GINS1: variants seen among roughly 807,000 people sequenced by gnomAD.
The protein encoded by GINS1 is GINS complex subunit 1.
GINS1 carries 26 observed loss-of-function variants against 34.9 expected under a neutral mutation model. That is an observed-to-expected ratio of 0.74 (90% CI 0.55 to 1.03). The LOEUF is 1.03. GINS1 is among the 50% of genes least tolerant of loss of function. The pLI is 0.00. For synonymous variants in GINS1, 97 were observed against 84.4 expected (o/e 1.15, Z -0.82); for missense variants, 235 against 237.9 (o/e 0.99, Z 0.08).
chr20:25,408,754 C>T (rs577618021), intron 1 of GINS1: 1 of 176,430 alleles, frequency 5.7e-6, no homozygotes, highest in Non-Finnish European at 1.1e-5. Flanking sequence ...GCTATATATG[C>T]ATAGGATTGG....
chr20:25,436,030 G>T (rs1325251250), intron 5 of GINS1, among the ~76,000 whole-genome samples: 2 of 149,602 alleles, frequency 1.3e-5, no homozygotes, highest in African/African-American at 4.9e-5. Context: ...CACCATGTTA[G>T]CCAGGATGGT....
At chr20:25,445,034 GTGC>G in intron 6 of GINS1, among the ~76,000 whole-genome samples, 1 of 152,258 alleles carries the variant, frequency 6.6e-6, no homozygotes, top group East Asian at 1.9e-4. Flanking sequence ...GGATTTCTCT[GTGC>G]ATAAATTTTA....
chr20:25,424,639 C>T (rs994693590), intron 4 of GINS1, among the ~76,000 whole-genome samples: 4 of 152,172 alleles, frequency 2.6e-5, no homozygotes, highest in Non-Finnish European at 5.9e-5. Context: ...TTTCTTCCCT[C>T]CTCCCAGCTC....
intron 4 of GINS1, among the ~76,000 whole-genome samples, chr20:25,421,521 TAAC>T (rs1358037808): frequency 3.3e-5 from 5 of 152,218 alleles, no homozygotes; most frequent in Non-Finnish European, 7.3e-5. Context: ...TTTAAAATAA[TAAC>T]ATCTTTTGTT....
chr20:25,429,598 C>G (rs1055947062), intron 5 of GINS1, among the ~76,000 whole-genome samples: 1 of 151,952 alleles, frequency 6.6e-6, no homozygotes, highest in African/African-American at 2.4e-5. Context: ...GAATTATTTT[C>G]ATAATTTTTA....
intron 2 of GINS1, among the ~76,000 whole-genome samples, chr20:25,415,209 A>T (rs2090312749): frequency 1.3e-5 from 2 of 152,222 alleles, no homozygotes; most frequent in South Asian, 4.1e-4. Flanking sequence ...ATAAGGAGAG[A>T]TACAGAAAAA....
chr20:25,435,783 A>AAAAC (rs2090451456), intron 5 of GINS1, among the ~76,000 whole-genome samples: 1 of 73,880 alleles, frequency 1.4e-5, no homozygotes, highest in Non-Finnish European at 2.8e-5. Context: ...AAAAAAAAAA[A>AAAAC]AAAAACCAAC....
intron 5 of GINS1, among the ~76,000 whole-genome samples, chr20:25,431,173 T>G (rs1044095465): frequency 6.6e-6 from 1 of 152,212 alleles, no homozygotes; most frequent in Admixed American, 6.5e-5. Flanking sequence ...CCATTTCATC[T>G]AGGTTTTCCA....
rs866070882 is a variant in GINS1, at chr20:25,442,334, A to G, written c.522+558A>G. Among the ~76,000 whole-genome samples, 1,239 of 135,476 alleles carry G rather than the reference A, an allele frequency of 9.1e-3. 10 individuals are homozygous for G. Among genetic ancestry groups the G allele is most frequent in the African/African-American group, 0.024 (917 of 38,848 alleles). The allele number at this position is 135,476 out of a possible 152,430, so 88.9% of individuals were successfully genotyped here. On this transcript the variant is annotated intron_variant, in intron 6 of 6. Coordinates refer to ENST00000262460, the MANE Select transcript of GINS1 (RefSeq NM_021067.5). ...ATAAGGAATCTTTATCCATCTATCT[A>G]TCTATCTGTCTGTCTGTCTGTCTGT... is the stretch of plus-strand genomic sequence containing the variant.
At chr20:25,414,629 G>A (rs766988740) in intron 2 of GINS1, among the ~76,000 whole-genome samples, 3 of 152,154 alleles carry the variant, frequency 2.0e-5, no homozygotes, top group Non-Finnish European at 2.9e-5. Flanking sequence ...GAGTGCAGGG[G>A]TTTGAGGCTG....
intron 2 of GINS1, among the ~76,000 whole-genome samples, chr20:25,415,415 G>C (rs1019753523): frequency 6.6e-6 from 1 of 152,322 alleles, no homozygotes; most frequent in South Asian, 2.1e-4. Context: ...GCTGGGCACA[G>C]TGTGGCCCAT....
chr20:25,418,065 G>T (rs191083445), intron 3 of GINS1, 40 bp from the exon 4 acceptor site: 1 of 1,108,160 alleles, frequency 9.0e-7, no homozygotes, highest in Non-Finnish European at 1.4e-6. Context: ...GTGATCCCCC[G>T]TTTATTCTTA....
At chr20:25,430,963 T>C (rs2090423882) in intron 5 of GINS1, among the ~76,000 whole-genome samples, 1 of 152,258 alleles carries the variant, frequency 6.6e-6, no homozygotes. Context: ...CCTCCTTTTA[T>C]ATTTTTTAGA....
At chr20:25,438,119 CAA>C (rs34107871) in intron 5 of GINS1, among the ~76,000 whole-genome samples, 5,185 of 98,184 alleles carry the variant, frequency 0.053, 142 homozygotes, top group Non-Finnish European at 0.077. Flanking sequence ...AACTCCGTCT[CAA>C]AAAAAAAAAA....
chr20:25,417,796 G>A (rs1318413299), intron 3 of GINS1, among the ~76,000 whole-genome samples: 4 of 152,202 alleles, frequency 2.6e-5, no homozygotes, highest in Admixed American at 2.6e-4. Flanking sequence ...AGAGGTTGTA[G>A]TGAACGGAGA....
chr20:25,417,860 A>G (rs751487285), intron 3 of GINS1, among the ~76,000 whole-genome samples: 1 of 152,154 alleles, frequency 6.6e-6, no homozygotes, highest in Non-Finnish European at 1.5e-5. Context: ...GTCTCAAACA[A>G]AAAAAGGCGG....
intron 1 of GINS1, chr20:25,413,494 A>G: frequency 3.0e-6 from 1 of 328,814 alleles, no homozygotes; most frequent in Non-Finnish European, 5.6e-6. Flanking sequence ...GAGTATATAT[A>G]TACACCTAGG....
intron 1 of GINS1, chr20:25,408,800 A>G (rs1175341898): frequency 2.5e-6 from 1 of 405,732 alleles, no homozygotes; most frequent in Non-Finnish European, 3.3e-6. Flanking sequence ...TGACACAGCA[A>G]GAAAGCTAGG....
chr20:25,429,093 A>G (rs2090412618), intron 5 of GINS1, among the ~76,000 whole-genome samples: 1 of 144,586 alleles, frequency 6.9e-6, no homozygotes, highest in African/African-American at 2.6e-5. Flanking sequence ...GGTTCAAGTG[A>G]TTCTCCTTTC....
Sources: allele counts gnomAD v4.1 joint callset (sites outside exome capture counted in the v4.1 genomes callset), GRCh38; gene constraint gnomAD v4.1.1; transcripts MANE v1.5; gene names NCBI Gene and HGNC (gene_info 2026-07-23, HGNC 2026-07-21).